The following REDIC1 variants were observed in gnomAD, a reference collection of about 807,000 sequenced individuals.
REDIC1 encodes the protein regulator of DNA class I crossover intermediates 1.
At chr12:39,792,966 T>C in the REDIC1 span, among the ~76,000 whole-genome samples, 1 of 152,178 alleles carries the variant, frequency 6.6e-6, no homozygotes, top group Non-Finnish European at 1.5e-5. Flanking sequence ...GGCATATATC[T>C]ACATTTTCCT....
the REDIC1 span, among the ~76,000 whole-genome samples, chr12:39,838,942 C>A: frequency 6.6e-6 from 1 of 152,050 alleles, no homozygotes; most frequent in Non-Finnish European, 1.5e-5. Flanking sequence ...CCCTAAATTT[C>A]AGAAAATCAA....
chr12:39,769,634 C>G, the REDIC1 span, among the ~76,000 whole-genome samples: 1 of 151,964 alleles, frequency 6.6e-6, no homozygotes, highest in Non-Finnish European at 1.5e-5. Flanking sequence ...GCATCTCATT[C>G]TCCTGCCTCC....
the REDIC1 span, among the ~76,000 whole-genome samples, chr12:39,831,195 G>A: frequency 6.6e-6 from 1 of 152,144 alleles, no homozygotes; most frequent in Admixed American, 6.6e-5. Context: ...GATGAACAAC[G>A]ACAATGTAAT....
chr12:39,744,150 C>G, the REDIC1 span, among the ~76,000 whole-genome samples: 20 of 152,122 alleles, frequency 1.3e-4, no homozygotes, highest in Admixed American at 1.3e-3. Context: ...GACTTCCCCT[C>G]AGAAACCATG....
chr12:39,754,152 G>T, the REDIC1 span: 1 of 152,154 alleles, frequency 6.6e-6, no homozygotes, highest in Non-Finnish European at 1.5e-5. Context: ...TCACTGCAAA[G>T]AAGAGTTTTC....
chr12:39,711,422 T>C, the REDIC1 span, among the ~76,000 whole-genome samples: 9 of 123,106 alleles, frequency 7.3e-5, no homozygotes, highest in African/African-American at 2.6e-4. Flanking sequence ...TATATGTACT[T>C]ATGTGTATAT....
At chr12:39,797,742 A>ATATGCG in the REDIC1 span, among the ~76,000 whole-genome samples, 4 of 122,800 alleles carry the variant, frequency 3.3e-5, no homozygotes, top group African/African-American at 1.2e-4. Context: ...ACACACACAC[A>ATATGCG]CACACACACA....
the REDIC1 span, among the ~76,000 whole-genome samples, chr12:39,701,702 C>G: frequency 2.4e-4 from 37 of 152,284 alleles, no homozygotes; most frequent in African/African-American, 8.7e-4. Flanking sequence ...AAGCACTCCT[C>G]AGCAAATGTA....
the REDIC1 span, among the ~76,000 whole-genome samples, chr12:39,901,722 G>A: frequency 7.4e-6 from 1 of 135,870 alleles, no homozygotes; most frequent in Non-Finnish European, 1.6e-5. Flanking sequence ...GGAGAAATAG[G>A]AACACTTTGA....
chr12:39,726,497 C>A, the REDIC1 span, among the ~76,000 whole-genome samples: 1 of 152,114 alleles, frequency 6.6e-6, no homozygotes, highest in Non-Finnish European at 1.5e-5. Flanking sequence ...TGGACTCATC[C>A]TCTTTTTATG....
At chr12:39,896,328 GTATATA>G in the REDIC1 span, among the ~76,000 whole-genome samples, 2 of 138,780 alleles carry the variant, frequency 1.4e-5, no homozygotes, top group African/African-American at 2.7e-5. Flanking sequence ...ATGTATATGT[GTATATA>G]TGTATACATA....
At chr12:39,770,370 C>T in the REDIC1 span, among the ~76,000 whole-genome samples, 2 of 152,142 alleles carry the variant, frequency 1.3e-5, no homozygotes, top group Non-Finnish European at 2.9e-5. Context: ...AATGACCTCT[C>T]CAGAAGGCAG....
At chr12:39,813,897 T>C in the REDIC1 span, among the ~76,000 whole-genome samples, 2 of 152,254 alleles carry the variant, frequency 1.3e-5, no homozygotes, top group East Asian at 3.8e-4. Flanking sequence ...AAGAATGTCA[T>C]TCCTGGAAAC....
At chr12:39,810,934 A>G in the REDIC1 span, among the ~76,000 whole-genome samples, 3 of 152,270 alleles carry the variant, frequency 2.0e-5, no homozygotes, top group South Asian at 2.1e-4. Flanking sequence ...GATAAAACCA[A>G]CCTTATAAAA....
chr12:39,817,662 A>G, the REDIC1 span, among the ~76,000 whole-genome samples: 1 of 152,216 alleles, frequency 6.6e-6, no homozygotes, highest in African/African-American at 2.4e-5. Context: ...TGTAACTACT[A>G]TTTCAGTTAG....
the REDIC1 span, among the ~76,000 whole-genome samples, chr12:39,703,084 G>C: frequency 6.6e-6 from 1 of 152,100 alleles, no homozygotes; most frequent in Admixed American, 6.5e-5. Flanking sequence ...TTCTGGCCAG[G>C]GCAATTAGGC....
the REDIC1 span, among the ~76,000 whole-genome samples, chr12:39,742,162 G>T: frequency 6.6e-6 from 1 of 152,038 alleles, no homozygotes; most frequent in South Asian, 2.1e-4. Context: ...GGGTCCACTC[G>T]GTCAGTGGGG....
chr12:39,711,591 ATATGTGTATACACATGCATGTG>A, the REDIC1 span, among the ~76,000 whole-genome samples: 164 of 26,058 alleles, frequency 6.3e-3, 1 homozygote, highest in East Asian at 0.095. Flanking sequence ...ATGCATGTGT[ATATGTGTATACACATGCATGTG>A]TATGTGTATA....
chr12:39,799,537 G>A, the REDIC1 span, among the ~76,000 whole-genome samples: 20 of 151,914 alleles, frequency 1.3e-4, no homozygotes, highest in African/African-American at 4.8e-4. Flanking sequence ...GCAGAGTAGA[G>A]TAAATCAAAT....
Sources: gnomAD v4.1 joint callset for allele counts (sites outside exome capture counted in the v4.1 genomes callset) on GRCh38, gnomAD v4.1.1 for gene constraint, MANE v1.5 for transcripts, NCBI Gene and HGNC (gene_info 2026-07-23, HGNC 2026-07-21) for gene names.